Variants in ATM observed in about 807,000 individuals in gnomAD.
ATM encodes the protein ATM serine/threonine kinase, also known as serine-protein kinase ATM.
Under a neutral mutation model 387.0 loss-of-function variants are expected in ATM, and 308 were observed. That is an observed-to-expected ratio of 0.80 (90% CI 0.73 to 0.87). The LOEUF (loss-of-function observed/expected upper bound fraction) is 0.87, where lower values mean the gene tolerates loss of function less well. Among genes scored for constraint, ATM ranks in the 40% least tolerant of loss-of-function variants. The pLI, the probability that ATM is intolerant of heterozygous loss-of-function variation, is 0.00. For missense variants in ATM, 3,312 were observed against 3,560.9 expected (o/e 0.93, Z 1.78); for synonymous variants, 1,156 against 1,187.3 (o/e 0.97, Z 0.54).
chr11:108,267,091 C>T (rs1331755394), intron 16 of ATM, 80 bp from the exon 17 acceptor site: 1 of 1,429,344 alleles, frequency 7.0e-7, no homozygotes, highest in African/African-American at 1.4e-5. Flanking sequence ...CCACTGTGCC[C>T]AGCCTGATTA....
In ATM at chr11:108,368,539, A is replaced by AAGAT. The variant is rs1202494468; in HGVS notation, c.*3034_*3037dup. The AAGAT allele has an allele frequency of 4.6e-6, 1 of 217,244 alleles. No individual in the cohort carries two copies. Among genetic ancestry groups the AAGAT allele is most frequent in the East Asian group, 6.9e-5 (1 of 14,592 alleles). 13.5% of individuals were successfully genotyped at this position (217,244 alleles called of 1,614,324 possible). A position where few individuals can be genotyped will look rare whatever the true frequency, so the allele number is the denominator to read the frequency against. ...GGAGAAATAAGTTGTCCAAGGCAAG[A>AAGAT]AGATAGTAAATTATAAGTACAAGTG... On this transcript the variant is annotated 3_prime_UTR_variant, in exon 63 of 63. Transcript: ENST00000675843.
chr11:108,351,282 G>A (rs1178025607), intron 59 of ATM, among the ~76,000 whole-genome samples: 1 of 152,074 alleles, frequency 6.6e-6, no homozygotes, highest in Non-Finnish European at 1.5e-5. Context: ...ACTGAAAGGG[G>A]GCCTCTGGAA....
chr11:108,315,125 C>T (rs1417792353), intron 40 of ATM, among the ~76,000 whole-genome samples: 1 of 152,162 alleles, frequency 6.6e-6, no homozygotes, highest in Non-Finnish European at 1.5e-5. Context: ...CTTTTCATTT[C>T]TGGATACAAT....
At chr11:108,325,570 T>C in intron 46 of ATM, 26 bp downstream of exon 46, 1 of 1,540,264 alleles carries the variant, frequency 6.5e-7, no homozygotes, top group Non-Finnish European at 8.9e-7. Flanking sequence ...AACTATGTCA[T>C]CTTACCTCTT....
intron 1 of ATM, chr11:108,225,325 A>G (rs1197268387): frequency 6.6e-6 from 1 of 152,264 alleles, no homozygotes. Context: ...AAAGAACTCA[A>G]ATAACAATCT....
chr11:108,262,326 A>G (rs1195628086), intron 16 of ATM, among the ~76,000 whole-genome samples: 1 of 152,070 alleles, frequency 6.6e-6, no homozygotes, highest in Non-Finnish European at 1.5e-5. Flanking sequence ...GGGGGCCAAT[A>G]TTCAACATTC....
Position 108,297,368 on chromosome 11 carries a change from A to G in ATM, c.4991A>G (p.Glu1664Gly), listed in dbSNP as rs2083181675. ...LSKMAINHTGEKEVLEAVGSC... is the reference protein window; with the variant it reads ...LSKMAINHTGGKEVLEAVGSC... ...AAGATGGCAATAAACCACACTGGTG[A>G]AAAAGAAGTTCTAGGTAAACTACAG... Residue 1664 changes from glutamate (E) to glycine (G), a missense_variant, in exon 33 of 63, where the codon GAA becomes GGA. Physicochemically the swap from Glu to Gly is moderately conservative, Grantham distance 98 (BLOSUM62 -2). Around this residue, in one of 4 missense-constraint regions of ATM, gnomAD observed 1,405 missense variants for 1,604.4 expected, o/e 0.88. Coordinates refer to ENST00000675843, the MANE Select transcript of ATM (RefSeq NM_000051.4). The G allele has an allele frequency of 1.2e-6, 2 of 1,613,752 alleles. No homozygotes were observed. Among genetic ancestry groups the G allele is most frequent in the Non-Finnish European group, 1.7e-6 (2 of 1,179,716 alleles).
At chr11:108,312,658 G>A (rs1035658754) in intron 40 of ATM, among the ~76,000 whole-genome samples, 160 bp downstream of exon 40, 59 of 145,334 alleles carry the variant, frequency 4.1e-4, no homozygotes, top group Admixed American at 2.2e-3. Flanking sequence ...TTAAGCCTTA[G>A]AGTAGACAGA....
In ATM at chr11:108,266,419, G is replaced by T. The variant is rs138345692; in HGVS notation, c.2467-752G>T. 8.2e-3 allele frequency among the ~76,000 whole-genome samples: 1,221 copies of T among 149,230 alleles called. 8 individuals are homozygous for T. Among genetic ancestry groups the T allele is most frequent in the African/African-American group, 0.026 (1,046 of 40,468 alleles). On this transcript the variant is annotated intron_variant, in intron 16 of 62. Transcript: ENST00000675843. ...CAAACACCGCATGTTCTCACTCATAGGTGGGAATTGAACAATGAGATCACA... is the reference window on the plus strand; with the variant it reads ...CAAACACCGCATGTTCTCACTCATATGTGGGAATTGAACAATGAGATCACA...
intron 5 of ATM, among the ~76,000 whole-genome samples, chr11:108,241,087 CACAA>C: frequency 6.6e-6 from 1 of 152,160 alleles, no homozygotes; most frequent in African/African-American, 2.4e-5. Context: ...AAAACAAAGA[CACAA>C]ACACACACAT....
chr11:108,333,011 C>G, intron 53 of ATM, 111 bp downstream of exon 53: 1 of 1,348,232 alleles, frequency 7.4e-7, no homozygotes, highest in Non-Finnish European at 1.0e-6. Context: ...CAAACGTAAT[C>G]CAAAAGCTTA....
At chr11:108,349,545 C>A (rs1207336349) in intron 59 of ATM, among the ~76,000 whole-genome samples, 1 of 152,092 alleles carries the variant, frequency 6.6e-6, no homozygotes, top group Non-Finnish European at 1.5e-5. Flanking sequence ...CACCTGTAGT[C>A]CCAGCTACTT....
chr11:108,233,920 G>C (rs2079142051), intron 4 of ATM, among the ~76,000 whole-genome samples: 1 of 152,136 alleles, frequency 6.6e-6, no homozygotes, highest in Non-Finnish European at 1.5e-5. Flanking sequence ...AGAGGAGGGA[G>C]ATATATTGGG....
At chr11:108,248,430 T>G (rs1175880971) in intron 8 of ATM, among the ~76,000 whole-genome samples, 1 of 152,222 alleles carries the variant, frequency 6.6e-6, no homozygotes, top group Non-Finnish European at 1.5e-5. Context: ...AATACCTGCT[T>G]TCTAAAGTGC....
chr11:108,266,349 A>G (rs940860077), intron 16 of ATM, among the ~76,000 whole-genome samples: 1 of 151,972 alleles, frequency 6.6e-6, no homozygotes, highest in Admixed American at 6.6e-5. Context: ...CATGGATGAA[A>G]TTGGAAATCA....
At chr11:108,258,533 G>A (rs1489137922) in intron 15 of ATM, among the ~76,000 whole-genome samples, 1 of 152,122 alleles carries the variant, frequency 6.6e-6, no homozygotes, top group Non-Finnish European at 1.5e-5. Flanking sequence ...GTGCTACTGT[G>A]TTTAATCTTT....
rs2081545815 is a variant in ATM, at chr11:108,271,049, C to T, written c.2839-15C>T. The stretch of plus-strand genomic sequence containing the variant: ...TTGTGGATAAACCTGATTTTTTTCC[C>T]TCCTACCATCTTAGTATCTAATGCT... On this transcript the variant is annotated splice_polypyrimidine_tract_variant and intron_variant, in intron 18 of 62. Coordinates refer to ENST00000675843, the MANE Select transcript of ATM (RefSeq NM_000051.4). 5.0e-6 allele frequency: 8 copies of T among 1,608,190 alleles called. No homozygotes were observed. Among genetic ancestry groups the T allele is most frequent in the Non-Finnish European group, 6.8e-6 (8 of 1,174,884 alleles).
chr11:108,355,915 T>C (rs1240604605), intron 61 of ATM: 2 of 152,228 alleles, frequency 1.3e-5, no homozygotes, highest in African/African-American at 2.4e-5. Context: ...GGCATCTTTA[T>C]AGATCTCCTT....
intron 12 of ATM, among the ~76,000 whole-genome samples, chr11:108,253,166 A>G (rs2080245784): frequency 6.6e-6 from 1 of 152,164 alleles, no homozygotes; most frequent in Admixed American, 6.5e-5. Context: ...GAAAAACTGA[A>G]TGGTTATGCT....
Sources: gnomAD v4.1 joint callset for allele counts (sites outside exome capture counted in the v4.1 genomes callset) on GRCh38, gnomAD v4.1.1 for gene constraint, gnomAD v4.1.1 regional missense constraint, MANE v1.5 for transcripts, NCBI Gene and HGNC (gene_info 2026-07-23, HGNC 2026-07-21) for gene names.